The following ROBO2 variants were observed in gnomAD, a reference collection of about 807,000 sequenced individuals.
ROBO2 encodes roundabout guidance receptor 2, also known as roundabout homolog 2.
ROBO2 carries 53 observed loss-of-function variants against 160.8 expected under a neutral mutation model. The ratio of observed to expected loss-of-function variants is 0.33; its 90% CI spans 0.26 to 0.41. The LOEUF (loss-of-function observed/expected upper bound fraction) is 0.41. ROBO2 is among the 10% of genes least tolerant of loss of function. The pLI is 1.00. For synonymous variants in ROBO2, 664 were observed against 611.7 expected, an observed-to-expected ratio of 1.09 and a Z score of -1.26; for missense variants, 1,577 against 1,722.4, an observed-to-expected ratio of 0.92 and a Z score of 1.49.
chr3:76,450,586 G>T (rs748298700), intron 2 of ROBO2, among the ~76,000 whole-genome samples: 6 of 152,106 alleles, frequency 3.9e-5, no homozygotes, highest in Admixed American at 6.6e-5. Context: ...GAGTAGCTGG[G>T]ATTACAGGCA....
intron 2 of ROBO2, among the ~76,000 whole-genome samples, chr3:76,532,548 G>A (rs564931824): frequency 5.4e-4 from 82 of 152,270 alleles, no homozygotes; most frequent in African/African-American, 1.9e-3. Flanking sequence ...TGCCTTATAA[G>A]TATAATGTAC....
At chr3:76,891,694 G>A (rs1021629738) in intron 2 of ROBO2, among the ~76,000 whole-genome samples, 1 of 152,078 alleles carries the variant, frequency 6.6e-6, no homozygotes, top group African/African-American at 2.4e-5. Context: ...ATTGAAGGAG[G>A]ATGGAGAAAT....
chr3:75,979,013 G>T lies in ROBO2; in HGVS notation c.109+41411G>T, dbSNP rs143587995. 7.9e-5 allele frequency among the ~76,000 whole-genome samples: 12 copies of T among 151,578 alleles called. No homozygotes were observed. In the East Asian group the frequency reaches 2.3e-3, roughly 30 times the overall value. ...CGAAGGTGAATACTCTCAGCTGAGG[G>T]CAAACTATGTCAACCAATGTCTACT... On this transcript the variant is annotated intron_variant, in intron 2 of 26. Coordinates refer to the ROBO2 transcript ENST00000487694.
chr3:76,426,659 A>T (rs563892981), intron 2 of ROBO2, among the ~76,000 whole-genome samples: 1 of 152,014 alleles, frequency 6.6e-6, no homozygotes, highest in Admixed American at 6.6e-5. Flanking sequence ...GAAAGGGGTG[A>T]TTTTTATTGA....
chr3:77,500,394 T>A (rs1346685601), intron 5 of ROBO2, among the ~76,000 whole-genome samples: 1 of 152,150 alleles, frequency 6.6e-6, no homozygotes, highest in Non-Finnish European at 1.5e-5. Context: ...TAGCATGAAA[T>A]CTCTATTTTA....
chr3:76,347,146 C>G (rs2074580992), intron 2 of ROBO2, among the ~76,000 whole-genome samples: 1 of 152,128 alleles, frequency 6.6e-6, no homozygotes, highest in South Asian at 2.1e-4. Flanking sequence ...GACACACTAG[C>G]AGAGTATCAA....
rs1323716534 is a variant in ROBO2, at chr3:75,951,354, A to T, written c.109+13752A>T. ...GTAAATATTATAGGCTTTGCTGGCC[A>T]TATGCAGTCTCTGTCTCTCCTTCAT... On this transcript the variant is annotated intron_variant, in intron 2 of 26. Coordinates refer to the ROBO2 transcript ENST00000487694. Among the ~76,000 whole-genome samples, 4 of 152,052 alleles carry T rather than the reference A, an allele frequency of 2.6e-5. No homozygotes were observed. In the South Asian group the frequency reaches 8.3e-4, roughly 31 times the overall value.
chr3:76,560,858 A>G (rs1260948896), intron 2 of ROBO2, among the ~76,000 whole-genome samples: 6 of 148,952 alleles, frequency 4.0e-5, no homozygotes, highest in African/African-American at 1.5e-4. Context: ...TAGTTGTTTG[A>G]CATTATGGGG....
chr3:76,431,221 G>T (rs1403141950), intron 2 of ROBO2, among the ~76,000 whole-genome samples: 1 of 151,436 alleles, frequency 6.6e-6, no homozygotes, highest in Non-Finnish European at 1.5e-5. Context: ...TAACACAATG[G>T]CCTTTTATTT....
chr3:77,083,718 G>C (rs376829316), intron 1 of ROBO2, among the ~76,000 whole-genome samples: 1 of 152,110 alleles, frequency 6.6e-6, no homozygotes, highest in Non-Finnish European at 1.5e-5. Context: ...AAATGGAAGA[G>C]TTAAACCCCA....
intron 21 of ROBO2, among the ~76,000 whole-genome samples, chr3:77,615,420 A>G (rs2094750157): frequency 6.6e-6 from 1 of 152,158 alleles, no homozygotes; most frequent in African/African-American, 2.4e-5. Context: ...GACAAATGTA[A>G]TACATGTATC....
intron 2 of ROBO2, among the ~76,000 whole-genome samples, chr3:76,151,491 T>A (rs749434235): frequency 6.6e-6 from 1 of 152,198 alleles, no homozygotes; most frequent in Non-Finnish European, 1.5e-5. Context: ...TGCCAGGCTA[T>A]AGCTTTGATC....
intron 2 of ROBO2, among the ~76,000 whole-genome samples, chr3:76,094,054 A>G (rs2069337866): frequency 1.3e-5 from 2 of 152,142 alleles, no homozygotes. Flanking sequence ...ATTCCTGACA[A>G]CCACAGGTAC....
intron 2 of ROBO2, among the ~76,000 whole-genome samples, chr3:76,085,645 G>A (rs1408830157): frequency 2.0e-5 from 3 of 152,138 alleles, no homozygotes; most frequent in Non-Finnish European, 4.4e-5. Flanking sequence ...TGTTGCCCCT[G>A]AAATTGGAGA....
chr3:77,452,537 A>G (rs2081226408), intron 2 of ROBO2, among the ~76,000 whole-genome samples: 1 of 152,186 alleles, frequency 6.6e-6, no homozygotes, highest in African/African-American at 2.4e-5. Flanking sequence ...CACCAATTAT[A>G]CATTCGATAT....
chr3:76,528,384 A>G (rs555785986), intron 2 of ROBO2, among the ~76,000 whole-genome samples: 14 of 152,202 alleles, frequency 9.2e-5, no homozygotes, highest in African/African-American at 3.4e-4. Context: ...GGTAGAATTG[A>G]TAGTAGTAGG....
chr3:76,800,908 T>G (rs2064147373), intron 2 of ROBO2, among the ~76,000 whole-genome samples: 1 of 152,164 alleles, frequency 6.6e-6, no homozygotes, highest in Non-Finnish European at 1.5e-5. Flanking sequence ...GTATACCCCC[T>G]GCAAAAAGGA....
chr3:76,825,553 T>C (rs1248011842), intron 2 of ROBO2, among the ~76,000 whole-genome samples: 1 of 136,378 alleles, frequency 7.3e-6, no homozygotes, highest in Non-Finnish European at 1.5e-5. Context: ...ATGGTGTCAA[T>C]TGGTTAAACA....
intron 2 of ROBO2, among the ~76,000 whole-genome samples, chr3:76,373,013 G>A (rs1293738869): frequency 1.3e-5 from 2 of 151,972 alleles, no homozygotes; most frequent in Non-Finnish European, 2.9e-5. Context: ...TTCCATATGT[G>A]AGCATCAGCA....
Sources: allele counts gnomAD v4.1 joint callset (sites outside exome capture counted in the v4.1 genomes callset), GRCh38; gene constraint gnomAD v4.1.1; transcripts MANE v1.5; gene names NCBI Gene and HGNC (gene_info 2026-07-23, HGNC 2026-07-21).